INPP4B: variants seen among roughly 807,000 people sequenced by gnomAD.
INPP4B encodes the protein inositol polyphosphate 4-phosphatase type II.
Under a neutral mutation model 122.5 loss-of-function variants are expected in INPP4B, and 55 were observed. That is an observed-to-expected ratio of 0.45 (90% confidence interval 0.36 to 0.56). The LOEUF (loss-of-function observed/expected upper bound fraction) is 0.56, where lower values mean the gene tolerates loss of function less well. INPP4B is among the 20% of genes least tolerant of loss of function. INPP4B has a pLI of 0.00. For missense variants in INPP4B, 1,000 were observed against 1,097.7 expected (o/e 0.91, Z 1.26); for synonymous variants, 403 against 388.7 (o/e 1.04, Z -0.43).
chr4:142,204,967 C>A (rs1579280693), intron 14 of INPP4B, among the ~76,000 whole-genome samples: 1 of 152,042 alleles, frequency 6.6e-6, no homozygotes, highest in South Asian at 2.1e-4. Flanking sequence ...CCAAACCAAA[C>A]AAGTTAGAAA....
At chr4:142,583,750 A>G (rs1398600274) in intron 2 of INPP4B, 1 of 152,174 alleles carries the variant, frequency 6.6e-6, no homozygotes. Flanking sequence ...AGTGGAATCA[A>G]GAAACAATAT....
At chr4:142,740,990 A>G (rs1019982467) in intron 1 of INPP4B, among the ~76,000 whole-genome samples, 1 of 152,154 alleles carries the variant, frequency 6.6e-6, no homozygotes, top group Admixed American at 6.6e-5. Context: ...CAACCTACCC[A>G]AAAGTAAGCC....
intron 1 of INPP4B, among the ~76,000 whole-genome samples, chr4:142,806,826 A>G (rs147858222): frequency 6.3e-4 from 94 of 149,838 alleles, no homozygotes; most frequent in African/African-American, 2.3e-3. Context: ...AAAGAAAGAA[A>G]GAAAGAAAGA....
intron 7 of INPP4B, among the ~76,000 whole-genome samples, chr4:142,337,726 TTATATATATTTA>T (rs1777216531): frequency 2.0e-5 from 1 of 49,946 alleles, no homozygotes; most frequent in African/African-American, 6.8e-5. Context: ...AATATATATT[TTATATATATTTA>T]TATATATTAT....
chr4:142,633,071 A>G (rs1748337367), intron 2 of INPP4B, among the ~76,000 whole-genome samples: 1 of 152,012 alleles, frequency 6.6e-6, no homozygotes, highest in South Asian at 2.1e-4. Context: ...TGTGATGCAA[A>G]TAATCTCAAA....
At chr4:142,216,370 C>T (rs948011811) in intron 12 of INPP4B, among the ~76,000 whole-genome samples, 1 of 152,126 alleles carries the variant, frequency 6.6e-6, no homozygotes, top group Non-Finnish European at 1.5e-5. Flanking sequence ...ACACATTAAA[C>T]ACTTTTTGGG....
intron 5 of INPP4B, among the ~76,000 whole-genome samples, chr4:142,409,425 G>A (rs1458152957): frequency 1.3e-5 from 2 of 152,056 alleles, no homozygotes; most frequent in Admixed American, 6.5e-5. Flanking sequence ...CCCGGGAAGC[G>A]GAGGTTGCAG....
chr4:142,366,098 C>T (rs1319377438), intron 7 of INPP4B, among the ~76,000 whole-genome samples: 1 of 151,954 alleles, frequency 6.6e-6, no homozygotes, highest in Non-Finnish European at 1.5e-5. Flanking sequence ...CTGCCCCACC[C>T]TAACTGATCA....
chr4:142,794,696 G>T (rs1777000657), intron 1 of INPP4B, among the ~76,000 whole-genome samples: 1 of 151,592 alleles, frequency 6.6e-6, no homozygotes, highest in African/African-American at 2.4e-5. Flanking sequence ...GATAATATTT[G>T]TAATATATTA....
At chr4:142,744,810 T>C (rs1267503288) in intron 1 of INPP4B, among the ~76,000 whole-genome samples, 1 of 151,786 alleles carries the variant, frequency 6.6e-6, no homozygotes, top group Non-Finnish European at 1.5e-5. Flanking sequence ...GTCATGTCCA[T>C]AGATGGGAAG....
chr4:142,720,313 T>C (rs1382860814), intron 2 of INPP4B, among the ~76,000 whole-genome samples: 1 of 152,176 alleles, frequency 6.6e-6, no homozygotes, highest in East Asian at 1.9e-4. Flanking sequence ...TGTTAGCAAA[T>C]TAAGGTCACA....
chr4:142,793,444 G>T (rs940286991), intron 1 of INPP4B, among the ~76,000 whole-genome samples: 5 of 152,024 alleles, frequency 3.3e-5, no homozygotes, highest in Non-Finnish European at 5.9e-5. Flanking sequence ...ACGATCAGTG[G>T]AACAAAAAGA....
intron 5 of INPP4B, among the ~76,000 whole-genome samples, chr4:142,417,552 A>G (rs13104269): frequency 0.091 from 13,899 of 152,212 alleles, 670 homozygotes; most frequent in Middle Eastern, 0.17. Context: ...AATTTCATCT[A>G]TATTAGCTCA....
chr4:142,037,753 C>T (rs1041956012), intron 25 of INPP4B, among the ~76,000 whole-genome samples: 3 of 152,090 alleles, frequency 2.0e-5, no homozygotes, highest in African/African-American at 7.2e-5. Flanking sequence ...ACGTTTCAGG[C>T]CCTAGACTGT....
intron 18 of INPP4B, among the ~76,000 whole-genome samples, chr4:142,133,453 C>T (rs1802362131): frequency 6.6e-6 from 1 of 152,178 alleles, no homozygotes; most frequent in Admixed American, 6.5e-5. Context: ...CATGCCTCAC[C>T]TTGACAACTG....
intron 11 of INPP4B, among the ~76,000 whole-genome samples, chr4:142,241,844 C>G (rs1427401870): frequency 6.6e-6 from 1 of 152,102 alleles, no homozygotes; most frequent in East Asian, 1.9e-4. Flanking sequence ...ATTTATTTCA[C>G]CAGGTTATCG....
intron 2 of INPP4B, among the ~76,000 whole-genome samples, chr4:142,676,228 G>T (rs1757749227): frequency 1.3e-5 from 2 of 152,058 alleles, no homozygotes; most frequent in South Asian, 4.1e-4. Flanking sequence ...AATCATGAGT[G>T]AACTCCCATT....
chr4:142,069,529 A>G (rs1288765392), intron 25 of INPP4B, among the ~76,000 whole-genome samples: 1 of 152,082 alleles, frequency 6.6e-6, no homozygotes, highest in Non-Finnish European at 1.5e-5. Context: ...GTTCAAAAAA[A>G]TCAATCAATC....
At chr4:142,301,468 C>T (rs1761383604) in intron 9 of INPP4B, among the ~76,000 whole-genome samples, 1 of 152,092 alleles carries the variant, frequency 6.6e-6, no homozygotes, top group African/African-American at 2.4e-5. Flanking sequence ...TGGAGTCAGA[C>T]CAAACTGAGT....
Sources: allele counts gnomAD v4.1 joint callset (sites outside exome capture counted in the v4.1 genomes callset), GRCh38; gene constraint gnomAD v4.1.1; transcripts MANE v1.5; gene names NCBI Gene and HGNC (gene_info 2026-07-23, HGNC 2026-07-21).